Variants in ZNF367 observed in about 807,000 individuals in gnomAD.
The protein encoded by ZNF367 is zinc finger protein 367.
ZNF367 carries 11 observed loss-of-function variants against 31.8 expected under a neutral mutation model. The observed-to-expected ratio is 0.35, with a 90% CI of 0.22 to 0.57. The LOEUF is 0.57. Ranked by LOEUF, ZNF367 falls within the 20% of genes least tolerant of loss-of-function variation. The probability of loss-of-function intolerance (pLI) is 0.85; values close to 1 mark genes in which losing one functional copy is unlikely to be tolerated. For synonymous variants in ZNF367, 199 were observed against 202.4 expected (o/e 0.98, Z 0.14); for missense variants, 353 against 484.1 (o/e 0.73, Z 2.54).
At chr9:96,411,520 G>C (rs1831749489) in intron 1 of ZNF367, among the ~76,000 whole-genome samples, 1 of 151,968 alleles carries the variant, frequency 6.6e-6, no homozygotes, top group Non-Finnish European at 1.5e-5. Flanking sequence ...CCCTAACAGT[G>C]CCACTGCACT....
At position 96,386,815 on chromosome 9, in the gene ZNF367, T is replaced by C. The variant is rs1340353037; in HGVS notation, c.*1422A>G. The C allele has an allele frequency of 2.0e-5, 3 of 152,206 alleles. No homozygotes were observed. The highest frequency in any genetic ancestry group is 2.9e-5 in the Non-Finnish European group (2 of 68,028). 9.4% of individuals were successfully genotyped at this position (152,206 alleles called of 1,614,324 possible). A position where few individuals can be genotyped will look rare whatever the true frequency, so the allele number is the denominator to read the frequency against. The stretch of plus-strand genomic sequence containing the variant: ...TTTTTGGATAAAGAAGCCTACTTTG[T>C]AATGTTTAAACTACATCTGTAGGAA... On this transcript the variant is annotated 3_prime_UTR_variant, in exon 5 of 5. Coordinates refer to ENST00000375256, the MANE Select transcript of ZNF367 (RefSeq NM_153695.4).
chr9:96,417,780 C>T lies in ZNF367; in HGVS notation c.253G>A (p.Gly85Arg). The T allele has an allele frequency of 7.8e-7, 1 of 1,289,182 alleles. No homozygotes were observed. The allele number at this position is 1,289,182 out of a possible 1,614,324, so 79.9% of individuals were successfully genotyped here. Reference protein sequence around the residue: ...ENAHNVTLSPGAAGAAASAAL... With the variant: ...ENAHNVTLSPRAAGAAASAAL... ...GCCGAGGCGGCGGCCCCCGCGGCCC[C>T]AGGGCTGAGCGTCACGTTGTGTGCG... The change falls in exon 1 of 5, where the codon GGG becomes AGG. Residue 85 changes from glycine (G) to arginine (R), a missense_variant. Coordinates refer to ENST00000375256, the MANE Select transcript of ZNF367 (RefSeq NM_153695.4). This position sits in a 1 kb window ranked among gnomAD's most constrained non-coding sequence, Gnocchi z 5.0.
chr9:96,394,215 T>C (rs141383897), intron 3 of ZNF367, among the ~76,000 whole-genome samples: 39 of 152,334 alleles, frequency 2.6e-4, no homozygotes, highest in African/African-American at 9.1e-4. Context: ...TAAAAATCAA[T>C]TATTTCTTAA....
intron 1 of ZNF367, among the ~76,000 whole-genome samples, chr9:96,408,767 CCA>C (rs2131080524): frequency 1.3e-5 from 2 of 152,212 alleles, no homozygotes; most frequent in East Asian, 3.9e-4. Flanking sequence ...CGGGTTTTTG[CCA>C]CAATTTTTAA....
intron 1 of ZNF367, among the ~76,000 whole-genome samples, chr9:96,412,699 T>TTC (rs915573609): frequency 2.0e-5 from 3 of 146,774 alleles, no homozygotes; most frequent in African/African-American, 7.4e-5. Context: ...TTTCTTTTCT[T>TTC]TTTTTTTTTT....
At chr9:96,392,051 A>C (rs1831478639) in intron 4 of ZNF367, among the ~76,000 whole-genome samples, 1 of 152,242 alleles carries the variant, frequency 6.6e-6, no homozygotes, top group Non-Finnish European at 1.5e-5. Flanking sequence ...TCCCTGTTTT[A>C]ATTGGCACGT....
At chr9:96,396,707 T>A (rs1442777780) in intron 2 of ZNF367, among the ~76,000 whole-genome samples, 1 of 152,052 alleles carries the variant, frequency 6.6e-6, no homozygotes, top group South Asian at 2.1e-4. Flanking sequence ...TTGTTCTTGT[T>A]GCCCAGGCTG....
At chr9:96,412,663 T>C (rs1403939212) in intron 1 of ZNF367, among the ~76,000 whole-genome samples, 4 of 152,036 alleles carry the variant, frequency 2.6e-5, no homozygotes, top group Admixed American at 2.6e-4. Flanking sequence ...AGATAAGCTA[T>C]ACATAGTATG....
At chr9:96,411,374 C>G (rs1587749295) in intron 1 of ZNF367, among the ~76,000 whole-genome samples, 2 of 151,358 alleles carry the variant, frequency 1.3e-5, no homozygotes, top group South Asian at 4.2e-4. Context: ...TAGCAAGACC[C>G]CTGTCTACAA....
chr9:96,416,781 C>T (rs954819144), intron 1 of ZNF367, among the ~76,000 whole-genome samples: 1 of 152,208 alleles, frequency 6.6e-6, no homozygotes, highest in African/African-American at 2.4e-5. Flanking sequence ...GTCATATAGT[C>T]TTCTAGATAG....
At chr9:96,391,904 G>A (rs1213576690) in intron 4 of ZNF367, among the ~76,000 whole-genome samples, 4 of 152,014 alleles carry the variant, frequency 2.6e-5, no homozygotes, top group Non-Finnish European at 5.9e-5. Context: ...TCAATCTCCC[G>A]AATAACTGGG....
chr9:96,413,842 A>C (rs1428309077), intron 1 of ZNF367, among the ~76,000 whole-genome samples: 1 of 152,038 alleles, frequency 6.6e-6, no homozygotes, highest in African/African-American at 2.4e-5. Context: ...AGACGCTGAC[A>C]CCTCCCCTGG....
At chr9:96,392,850 C>T (rs1004963560) in intron 3 of ZNF367, among the ~76,000 whole-genome samples, 3 of 152,102 alleles carry the variant, frequency 2.0e-5, no homozygotes, top group Admixed American at 1.3e-4. Flanking sequence ...TTTGGGAGGC[C>T]GAGGCAGGCG....
chr9:96,415,514 TTG>T, intron 1 of ZNF367, among the ~76,000 whole-genome samples: 1 of 95,548 alleles, frequency 1.0e-5, no homozygotes, highest in Non-Finnish European at 2.0e-5. Flanking sequence ...TTTTTTTTTT[TTG>T]AGACGGAGTC....
chr9:96,392,362 G>A (rs1205922634), intron 4 of ZNF367, 36 bp downstream of exon 4: 1 of 1,613,864 alleles, frequency 6.2e-7, no homozygotes, highest in Admixed American at 1.7e-5. Flanking sequence ...CCCGCGCTGT[G>A]CATCTTCACG....
rs1831413170 is a variant in ZNF367 at position 96,386,835 on chromosome 9, T to C, written c.*1402A>G. On this transcript the variant is annotated 3_prime_UTR_variant, in exon 5 of 5. Transcript: ENST00000375256. The stretch of plus-strand genomic sequence containing the variant: ...CTTTGTAATGTTTAAACTACATCTG[T>C]AGGAACGTCTTCAACTCAAAAAAGC... 1 of 152,184 alleles carries C rather than the reference T, an allele frequency of 6.6e-6. No individual in the cohort carries two copies. The highest frequency in any genetic ancestry group is 6.5e-5 in the Admixed American group (1 of 15,274). 9.4% of individuals were successfully genotyped at this position (152,184 alleles called of 1,614,324 possible).
chr9:96,402,975 C>CTT lies in ZNF367; in HGVS notation c.421-4663_421-4662dup, dbSNP rs375468277. The stretch of plus-strand genomic sequence containing the variant: ...AAATATATAGAAATTAAACAACACA[C>CTT]TTTTTTTTTTTTGAGACGGAGTCTT... On this transcript the variant is annotated intron_variant, in intron 1 of 4. Transcript: ENST00000375256. Among the ~76,000 whole-genome samples the CTT allele has an allele frequency of 2.7e-3, 391 of 147,184 alleles. 1 individual carries two copies. Among genetic ancestry groups the CTT allele is most frequent in the African/African-American group, 8.8e-3 (355 of 40,310 alleles).
At chr9:96,416,198 T>C (rs2131085254) in intron 1 of ZNF367, among the ~76,000 whole-genome samples, 2 of 147,728 alleles carry the variant, frequency 1.4e-5, no homozygotes, top group East Asian at 4.4e-4. Context: ...GCCATTCTCC[T>C]ACCTCAGCCT....
rs565678661 is a variant in ZNF367 at position 96,393,418 on chromosome 9, G to C, written c.692-882C>G. On this transcript the variant is annotated intron_variant, in intron 3 of 4. Transcript: ENST00000375256. ...AGCCTGTAATTCCAGCTACTCCAGA[G>C]GCTGAGGCAGGAGAATTGCTTGAAC... is the stretch of plus-strand genomic sequence containing the variant. Among the ~76,000 whole-genome samples the C allele has an allele frequency of 2.0e-5, 3 of 152,204 alleles. No individual in the cohort carries two copies. In the South Asian group the frequency reaches 6.2e-4, roughly 32 times the overall value.
Sources: gnomAD v4.1 joint callset for allele counts (sites outside exome capture counted in the v4.1 genomes callset) on GRCh38, gnomAD v4.1.1 for gene constraint, Gnocchi (gnomAD v3.1) non-coding constraint, MANE v1.5 for transcripts, NCBI Gene and HGNC (gene_info 2026-07-23, HGNC 2026-07-21) for gene names.